Variants in PARD3 observed in about 807,000 individuals in gnomAD.
PARD3 encodes partitioning defective 3 homolog.
Under a neutral mutation model 155.4 loss-of-function variants are expected in PARD3, and 75 were observed. The ratio of observed to expected loss-of-function variants is 0.48; its 90% CI spans 0.40 to 0.58. PARD3 has a LOEUF of 0.58. Ranked by LOEUF, PARD3 falls within the 20% of genes least tolerant of loss-of-function variation. PARD3 has a pLI of 0.00. For synonymous variants in PARD3, 576 were observed against 610.5 expected, an observed-to-expected ratio of 0.94 and a Z score of 0.83; for missense variants, 1,642 against 1,721.7, an observed-to-expected ratio of 0.95 and a Z score of 0.82.
At chr10:34,200,807 C>G (rs1951175412) in intron 22 of PARD3, among the ~76,000 whole-genome samples, 1 of 152,212 alleles carries the variant, frequency 6.6e-6, no homozygotes, top group Admixed American at 6.5e-5. Context: ...GACGCCAGGG[C>G]TATAAGAGCA....
At chr10:34,645,426 G>A (rs1400701168) in intron 2 of PARD3, among the ~76,000 whole-genome samples, 10 of 151,798 alleles carry the variant, frequency 6.6e-5, no homozygotes, top group South Asian at 2.1e-4. Flanking sequence ...GGCTGGTCTC[G>A]AACTCCTGAC....
Position 34,556,478 on chromosome 10 carries a change from G to A in PARD3, c.223-39319C>T, listed in dbSNP as rs142118845. ...GCTCACTGCAAGCTCCGCCTCCCAG[G>A]TTCACGCCATTCTCTCGCCTCAGCC... On this transcript the variant is annotated intron_variant, in intron 2 of 24. Transcript: ENST00000374788. 3.4e-3 allele frequency among the ~76,000 whole-genome samples: 509 copies of A among 151,606 alleles called. 3 individuals are homozygous for A. Among genetic ancestry groups the A allele is most frequent in the African/African-American group, 0.012 (485 of 41,310 alleles).
intron 8 of PARD3, among the ~76,000 whole-genome samples, chr10:34,383,388 A>AACACAC (rs1461286990): frequency 2.3e-4 from 19 of 81,014 alleles, no homozygotes; most frequent in Non-Finnish European, 4.2e-4. Context: ...AAATTTTTAA[A>AACACAC]ATACACACAC....
chr10:34,757,207 G>A (rs2133990039), intron 1 of PARD3, among the ~76,000 whole-genome samples: 1 of 152,250 alleles, frequency 6.6e-6, no homozygotes. Flanking sequence ...TGCACAGGAG[G>A]TTCAAACACA....
At chr10:34,589,623 A>T (rs1362745925) in intron 2 of PARD3, among the ~76,000 whole-genome samples, 2 of 137,512 alleles carry the variant, frequency 1.5e-5, no homozygotes, top group African/African-American at 2.9e-5. Flanking sequence ...CAAAACTAAT[A>T]TAAGTACATG....
At chr10:34,653,262 T>C (rs1369242847) in intron 2 of PARD3, among the ~76,000 whole-genome samples, 1 of 152,126 alleles carries the variant, frequency 6.6e-6, no homozygotes, top group East Asian at 1.9e-4. Context: ...AAACAGCCTG[T>C]TTCTGATACT....
intron 23 of PARD3, 80 bp downstream of exon 23, chr10:34,131,383 G>A: frequency 1.3e-6 from 2 of 1,507,240 alleles, no homozygotes; most frequent in South Asian, 1.2e-5. Flanking sequence ...GTTTCATAGA[G>A]CATTGAGGTC....
At chr10:34,445,971 C>T (rs1462145503) in intron 5 of PARD3, among the ~76,000 whole-genome samples, 3 of 152,124 alleles carry the variant, frequency 2.0e-5, no homozygotes, top group Non-Finnish European at 2.9e-5. Context: ...CTCTATCCAT[C>T]AAAACCTATA....
intron 5 of PARD3, among the ~76,000 whole-genome samples, chr10:34,422,141 T>C (rs2132431887): frequency 6.6e-6 from 1 of 152,302 alleles, no homozygotes; most frequent in Middle Eastern, 3.4e-3. Context: ...CACCTTTGTC[T>C]ATGCAGTTAT....
At chr10:34,254,555 T>C (rs1954551499) in intron 22 of PARD3, among the ~76,000 whole-genome samples, 1 of 151,378 alleles carries the variant, frequency 6.6e-6, no homozygotes, top group Non-Finnish European at 1.5e-5. Context: ...TGTGTGTGTG[T>C]GTGTGTGTGT....
chr10:34,370,660 G>A (rs1373241342), intron 12 of PARD3, among the ~76,000 whole-genome samples: 1 of 152,110 alleles, frequency 6.6e-6, no homozygotes, highest in African/African-American at 2.4e-5. Context: ...GATGGAGTTT[G>A]TGTGCAAAGT....
At chr10:34,185,827 T>C (rs1052940193) in intron 22 of PARD3, among the ~76,000 whole-genome samples, 61 of 125,198 alleles carry the variant, frequency 4.9e-4, no homozygotes, top group African/African-American at 2.0e-3. Flanking sequence ...TATATTATAT[T>C]ATATTATATT....
intron 22 of PARD3, among the ~76,000 whole-genome samples, chr10:34,187,641 A>C (rs1439752637): frequency 6.6e-6 from 1 of 152,246 alleles, no homozygotes; most frequent in African/African-American, 2.4e-5. Flanking sequence ...AAAATGTTTT[A>C]CACCTTAACC....
intron 3 of PARD3, among the ~76,000 whole-genome samples, chr10:34,474,318 C>T (rs925160115): frequency 1.3e-5 from 2 of 152,146 alleles, no homozygotes; most frequent in Admixed American, 6.5e-5. Flanking sequence ...AAATAGACCC[C>T]GGGGCAGGTA....
chr10:34,271,836 A>G (rs147033841), intron 21 of PARD3, among the ~76,000 whole-genome samples: 1,803 of 152,334 alleles, frequency 0.012, 10 homozygotes, highest in Middle Eastern at 0.031. Flanking sequence ...AGCAAGTTCA[A>G]CAAAGTCAGA....
intron 1 of PARD3, among the ~76,000 whole-genome samples, chr10:34,726,200 A>G (rs535951350): frequency 1.7e-4 from 26 of 152,378 alleles, no homozygotes; most frequent in African/African-American, 6.3e-4. Flanking sequence ...TCATGCCTGT[A>G]ACCCCAGCAC....
At chr10:34,548,430 C>T (rs1442104348) in intron 2 of PARD3, among the ~76,000 whole-genome samples, 1 of 152,068 alleles carries the variant, frequency 6.6e-6, no homozygotes, top group Non-Finnish European at 1.5e-5. Context: ...ACCCAGGCAG[C>T]AGAGGTTGCA....
chr10:34,702,181 A>G (rs2094291739), intron 1 of PARD3, among the ~76,000 whole-genome samples: 3 of 149,062 alleles, frequency 2.0e-5, no homozygotes, highest in Admixed American at 1.3e-4. Flanking sequence ...AATGATAATA[A>G]AACAATTTTA....
chr10:34,131,480 T>C lies in PARD3; in HGVS notation c.3523A>G (p.Ser1175Gly). The part of the protein sequence containing the change: ...EDVEDRRRTY[S>G]FEQPWPNARP... ...TTACTTACCCAGGGTTGCTCAAAAC[T>C]ATAGGTCCGCCGACGATCTTCTACA... Residue 1175 changes from serine to glycine, a missense_variant, in exon 23 of 25, where the codon AGT (serine) becomes GGT (glycine). Physicochemically the swap from Ser to Gly is moderately conservative, Grantham distance 56. Around this residue, in one of 3 missense-constraint regions of PARD3, gnomAD observed 1,529 missense variants for 1,587.3 expected, o/e 0.96. Coordinates refer to ENST00000374788, the MANE Select transcript of PARD3 (RefSeq NM_001184785.2). The C allele has an allele frequency of 1.9e-6, 3 of 1,614,146 alleles. No individual in the cohort carries two copies. The South Asian group carries it at 3.3e-5, about 18-fold the overall frequency.
Sources: allele counts gnomAD v4.1 joint callset (sites outside exome capture counted in the v4.1 genomes callset), GRCh38; gene constraint gnomAD v4.1.1; regional missense constraint gnomAD v4.1.1; transcripts MANE v1.5; gene names NCBI Gene and HGNC (gene_info 2026-07-23, HGNC 2026-07-21).